The following VPS13D variants were observed in gnomAD, a reference collection of about 807,000 sequenced individuals.
VPS13D encodes the protein intermembrane lipid transfer protein VPS13D.
Under a neutral mutation model 461.9 loss-of-function variants are expected in VPS13D, and 187 were observed. The ratio of observed to expected loss-of-function variants is 0.40; its 90% CI spans 0.36 to 0.46. The LOEUF (loss-of-function observed/expected upper bound fraction) is 0.46. VPS13D is among the 20% of genes least tolerant of loss of function. VPS13D has a pLI of 0.60. For missense variants in VPS13D, 4,711 were observed against 5,364.9 expected (o/e 0.88, Z 3.81); for synonymous variants, 1,951 against 1,986.3 (o/e 0.98, Z 0.47).
rs1646172976 is a variant in VPS13D, at chr1:12,510,781, C to G, written c.*1757C>G. ...TGATTGTCTCAGCACTCACGCACTG[C>G]ACAAGATGGCAGCAGGATACAGCAC... On this transcript the variant is annotated 3_prime_UTR_variant, in exon 70 of 70. Transcript: ENST00000620676. 1 of 152,174 alleles carries G rather than the reference C, an allele frequency of 6.6e-6. No individual in the cohort carries two copies. Among genetic ancestry groups the G allele is most frequent in the Non-Finnish European group, 1.5e-5 (1 of 68,066 alleles). The allele number at this position is 152,174 out of a possible 1,614,324, so 9.4% of individuals were successfully genotyped here. A position where few individuals can be genotyped will look rare whatever the true frequency, so the allele number is the denominator to read the frequency against.
At chr1:12,456,811 G>A (rs939474343) in intron 66 of VPS13D, among the ~76,000 whole-genome samples, 5 of 152,070 alleles carry the variant, frequency 3.3e-5, no homozygotes, top group African/African-American at 9.7e-5. Flanking sequence ...ATTCCTTTTC[G>A]TTCTCTGGCT....
intron 44 of VPS13D, among the ~76,000 whole-genome samples, 169 bp downstream of exon 44, chr1:12,346,821 CA>C (rs1643687235): frequency 6.6e-6 from 1 of 152,156 alleles, no homozygotes; most frequent in Non-Finnish European, 1.5e-5. Flanking sequence ...CAAAAACTTG[CA>C]AGAAAATGTT....
At chr1:12,464,395 A>G (rs1645453079) in intron 67 of VPS13D, among the ~76,000 whole-genome samples, 1 of 152,146 alleles carries the variant, frequency 6.6e-6, no homozygotes, top group African/African-American at 2.4e-5. Flanking sequence ...CATCCAAGTA[A>G]AGGCTTAGAT....
In VPS13D at chr1:12,283,544, T is replaced by G; in HGVS notation, c.5442T>G (p.Phe1814Leu). 1 of 1,614,250 alleles carries G rather than the reference T, an allele frequency of 6.2e-7. No individual in the cohort carries two copies. The highest frequency in any genetic ancestry group is 8.5e-7 in the Non-Finnish European group (1 of 1,180,038). ...NRVNRSIDVDFNCLDVLITLQ... is the reference protein window; with the variant it reads ...NRVNRSIDVDLNCLDVLITLQ... ...TTAACCGGAGCATTGATGTTGATTT[T>G]AATTGCTTGGATGTGCTGATCACAC... Residue 1814 changes from phenylalanine (F) to leucine (L), a missense_variant, in exon 21 of 70, where the codon TTT (phenylalanine) becomes TTG (leucine). This residue lies in a region of VPS13D where 4,411 missense variants were observed against 4,937.8 expected (regional missense o/e 0.89). Coordinates refer to ENST00000620676, the MANE Select transcript of VPS13D (RefSeq NM_015378.4).
chr1:12,324,044 G>A (rs1484329270), intron 35 of VPS13D, among the ~76,000 whole-genome samples: 2 of 152,116 alleles, frequency 1.3e-5, no homozygotes, highest in African/African-American at 4.8e-5. Context: ...GAGTACCTGG[G>A]TTTATAGGCA....
At chr1:12,304,753 A>G in intron 26 of VPS13D, 25 bp downstream of exon 26, 3 of 1,610,022 alleles carry the variant, frequency 1.9e-6, no homozygotes, top group Non-Finnish European at 2.5e-6. Context: ...AAGCAACATA[A>G]TACTGAAGGT....
In VPS13D at chr1:12,369,587, A is replaced by G; in HGVS notation, c.10693A>G (p.Thr3565Ala). ...CACCTTGCCACCTTTTATCACTCTG[A>G]CTGTTAAAGGGGCAGGGTCCTCTGA... ...EPTLPPFITL[T>A]VKGAGSSEIN... Residue 3565 changes from threonine to alanine, a missense_variant, in exon 54 of 70, where the codon ACT becomes GCT. By Grantham distance (58) the Thr-to-Ala change is moderately conservative. Coordinates refer to ENST00000620676, the MANE Select transcript of VPS13D (RefSeq NM_015378.4). 6.2e-7 allele frequency: 1 copy of G among 1,614,118 alleles called. No homozygotes were observed. Among genetic ancestry groups the G allele is most frequent in the Non-Finnish European group, 8.5e-7 (1 of 1,180,040 alleles).
At chr1:12,343,196 G>C in intron 42 of VPS13D, 145 bp downstream of exon 42, 1 of 662,756 alleles carries the variant, frequency 1.5e-6, no homozygotes, top group Admixed American at 4.4e-5. Context: ...TTTTGAGACA[G>C]GGTCTTCTTG....
chr1:12,323,623 T>C, intron 34 of VPS13D, 83 bp from the exon 35 acceptor site: 1 of 1,395,128 alleles, frequency 7.2e-7, no homozygotes, highest in Non-Finnish European at 9.9e-7. Flanking sequence ...GTTTTTAAAT[T>C]TCTTTTCTTT....
At chr1:12,367,538 T>G (rs1224473905) in intron 52 of VPS13D, 5 of 145,936 alleles carry the variant, frequency 3.4e-5, no homozygotes, top group Admixed American at 1.3e-4. Flanking sequence ...CTTATTACAT[T>G]GGTGGTTGCG....
intron 39 of VPS13D, chr1:12,337,216 A>ACTT (rs1643470883): frequency 6.6e-6 from 1 of 152,224 alleles, no homozygotes; most frequent in Admixed American, 6.5e-5. Context: ...CTTTTTAATA[A>ACTT]GACATAACTT....
intron 67 of VPS13D, 23 bp downstream of exon 67, chr1:12,460,419 C>T: frequency 2.0e-6 from 3 of 1,535,080 alleles, no homozygotes; most frequent in Non-Finnish European, 2.6e-6. Flanking sequence ...GGAAGAATGG[C>T]TTTTGCAGTT....
intron 1 of VPS13D, among the ~76,000 whole-genome samples, chr1:12,233,268 A>G (rs1269224332): frequency 4.6e-5 from 7 of 152,198 alleles, no homozygotes; most frequent in Admixed American, 4.6e-4. Context: ...GGCCTCCCAA[A>G]GTGCTGGGAC....
rs1218590515 is a variant in VPS13D, at chr1:12,368,541, A to G, written c.10522A>G (p.Ser3508Gly). The part of the protein sequence containing the change: ...LRGATYRISF[S>G]DTDQLPPPFR... Reference sequence around the variant, plus strand: ...AGGAGCTACGTATAGGATCTCATTTAGTGACACAGATCAGTTACCTCCTCC... The same window carrying G: ...AGGAGCTACGTATAGGATCTCATTTGGTGACACAGATCAGTTACCTCCTCC... Residue 3508 changes from serine (S) to glycine (G), a missense_variant, in exon 53 of 70, where the codon AGT becomes GGT. Physicochemically the swap from Ser to Gly is moderately conservative, Grantham distance 56. Coordinates refer to ENST00000620676, the MANE Select transcript of VPS13D (RefSeq NM_015378.4). 6 of 1,613,930 alleles carry G rather than the reference A, an allele frequency of 3.7e-6. No homozygotes were observed. Among genetic ancestry groups the G allele is most frequent in the Non-Finnish European group, 5.1e-6 (6 of 1,179,906 alleles).
Position 12,273,132 on chromosome 1 carries a change from C to A in VPS13D, c.2233C>A (p.Gln745Lys). 6.2e-7 allele frequency: 1 copy of A among 1,613,798 alleles called. No individual in the cohort carries two copies. The highest frequency in any genetic ancestry group is 8.5e-7 in the Non-Finnish European group (1 of 1,179,888). The change falls in exon 18 of 70, where the codon CAA becomes AAA. Residue 745 changes from glutamine (Q) to lysine (K), a missense_variant. Physicochemically the swap from Gln to Lys is moderately conservative, Grantham distance 53. Transcript: ENST00000620676. ...DLGRMLLTNT[Q>K]DNSRRKSRDG... ...AGGAAGAATGCTTTTGACGAACACC[C>A]AAGGTATAGTGTGAGTGGGAAATAA...
chr1:12,374,054 A>T (rs1644163089), intron 55 of VPS13D, among the ~76,000 whole-genome samples, 196 bp downstream of exon 55: 1 of 152,332 alleles, frequency 6.6e-6, no homozygotes, highest in Admixed American at 6.5e-5. Context: ...CTGGAGTGGG[A>T]TGTGATCACC....
At chr1:12,487,765 C>T (rs1422865417) in intron 67 of VPS13D, among the ~76,000 whole-genome samples, 1 of 152,088 alleles carries the variant, frequency 6.6e-6, no homozygotes, top group African/African-American at 2.4e-5. Context: ...CACACGCCTC[C>T]CCCACTTCAG....
chr1:12,234,723 T>C (rs1360238568), intron 2 of VPS13D, among the ~76,000 whole-genome samples: 2 of 152,362 alleles, frequency 1.3e-5, no homozygotes, highest in African/African-American at 4.8e-5. Context: ...TTATTAGCTA[T>C]GTGAACAATA....
chr1:12,470,431 G>A (rs896476926), intron 67 of VPS13D, among the ~76,000 whole-genome samples: 1 of 152,222 alleles, frequency 6.6e-6, no homozygotes, highest in Non-Finnish European at 1.5e-5. Flanking sequence ...CTATCCTTTA[G>A]TGAGAAGATG....
Sources: allele counts gnomAD v4.1 joint callset (sites outside exome capture counted in the v4.1 genomes callset), GRCh38; gene constraint gnomAD v4.1.1; regional missense constraint gnomAD v4.1.1; transcripts MANE v1.5; gene names NCBI Gene and HGNC (gene_info 2026-07-23, HGNC 2026-07-21).